PTPRT: variants seen among roughly 807,000 people sequenced by gnomAD.
PTPRT encodes the protein protein tyrosine phosphatase receptor type T, also known as receptor-type tyrosine-protein phosphatase T.
PTPRT carries 56 observed loss-of-function variants against 176.8 expected under a neutral mutation model. The observed-to-expected ratio is 0.32, with a 90% confidence interval of 0.26 to 0.40. PTPRT has a LOEUF of 0.40. Ranked by LOEUF, PTPRT falls within the 10% of genes least tolerant of loss-of-function variation. PTPRT has a pLI of 1.00. For missense variants in PTPRT, 1,540 were observed against 1,908.2 expected (o/e 0.81, Z 3.60); for synonymous variants, 783 against 739.0 (o/e 1.06, Z -0.96).
At chr20:42,253,925 C>T (rs187139909) in intron 13 of PTPRT, among the ~76,000 whole-genome samples, 1 of 152,302 alleles carries the variant, frequency 6.6e-6, no homozygotes, top group Non-Finnish European at 1.5e-5. Flanking sequence ...AGGATCCAGT[C>T]TCCTCCTAGC....
At chr20:42,469,985 C>T (rs1273174610) in intron 8 of PTPRT, among the ~76,000 whole-genome samples, 2 of 152,032 alleles carry the variant, frequency 1.3e-5, no homozygotes, top group Non-Finnish European at 2.9e-5. Context: ...AACAAGAGTA[C>T]TAGATCCTAC....
At chr20:42,774,898 C>A (rs548421765) in intron 4 of PTPRT, among the ~76,000 whole-genome samples, 1 of 152,010 alleles carries the variant, frequency 6.6e-6, no homozygotes, top group East Asian at 1.9e-4. Flanking sequence ...CTCTTCCCTG[C>A]GTTCCTGGCC....
chr20:42,215,540 C>G (rs755696356), intron 15 of PTPRT, among the ~76,000 whole-genome samples: 5 of 152,078 alleles, frequency 3.3e-5, no homozygotes, highest in Non-Finnish European at 5.9e-5. Context: ...ATCTGCTTCC[C>G]AAGATGAGCA....
intron 6 of PTPRT, among the ~76,000 whole-genome samples, chr20:42,754,419 C>T (rs1239041644): frequency 6.7e-6 from 1 of 148,518 alleles, no homozygotes; most frequent in East Asian, 2.2e-4. Context: ...CTCCTGGCCT[C>T]AGGCGCATGC....
intron 7 of PTPRT, among the ~76,000 whole-genome samples, chr20:42,629,120 A>T (rs1467176809): frequency 1.3e-5 from 2 of 151,776 alleles, no homozygotes; most frequent in Non-Finnish European, 2.9e-5. Context: ...GATCTGACAT[A>T]TATTACTTAG....
chr20:42,584,887 C>T (rs1272605913), intron 7 of PTPRT, among the ~76,000 whole-genome samples: 1 of 152,092 alleles, frequency 6.6e-6, no homozygotes, highest in Non-Finnish European at 1.5e-5. Flanking sequence ...AAATAAGTTC[C>T]TATGAGTTAA....
intron 8 of PTPRT, among the ~76,000 whole-genome samples, chr20:42,464,579 G>C (rs2071073618): frequency 6.6e-6 from 1 of 152,174 alleles, no homozygotes; most frequent in South Asian, 2.1e-4. Flanking sequence ...CTAGTTCATA[G>C]TGTGCACTTG....
At chr20:42,042,271 G>C in the PTPRT span, among the ~76,000 whole-genome samples, 4 of 152,110 alleles carry the variant, frequency 2.6e-5, no homozygotes, top group African/African-American at 4.8e-5. Flanking sequence ...ACTCTGCCAA[G>C]CATTAGTGAG....
At chr20:42,501,094 C>T (rs1288483145) in intron 7 of PTPRT, among the ~76,000 whole-genome samples, 3 of 152,130 alleles carry the variant, frequency 2.0e-5, no homozygotes, top group Non-Finnish European at 4.4e-5. Context: ...AGAAGCCCAC[C>T]CCATCACGCC....
At chr20:42,883,037 T>C (rs11906285) in intron 2 of PTPRT, among the ~76,000 whole-genome samples, 1,543 of 152,246 alleles carry the variant, frequency 0.01, 35 homozygotes, top group African/African-American at 0.035. Flanking sequence ...TTTGGAGGTT[T>C]AGGGAGGATC....
intron 2 of PTPRT, among the ~76,000 whole-genome samples, chr20:42,823,796 A>C (rs1319119820): frequency 1.3e-5 from 2 of 152,032 alleles, no homozygotes; most frequent in Non-Finnish European, 2.9e-5. Flanking sequence ...AGAAAGAAAG[A>C]AATTTTTTAT....
intron 7 of PTPRT, among the ~76,000 whole-genome samples, chr20:42,581,532 A>C (rs1458318518): frequency 4.1e-5 from 1 of 24,532 alleles, no homozygotes; most frequent in Non-Finnish European, 6.0e-5. Context: ...TGGCTGCATA[A>C]AAAAAAAAAA....
At chr20:42,115,163 G>A (rs1333373178) in intron 22 of PTPRT, 36 bp downstream of exon 22, 19 of 1,484,336 alleles carry the variant, frequency 1.3e-5, no homozygotes, top group Non-Finnish European at 1.7e-5. Flanking sequence ...TGGCTCTCAT[G>A]GTGGACCGGC....
chr20:42,790,498 T>C (rs564699486), intron 3 of PTPRT, among the ~76,000 whole-genome samples: 138 of 152,268 alleles, frequency 9.1e-4, no homozygotes, highest in African/African-American at 3.3e-3. Flanking sequence ...GCAGCACTGC[T>C]TTAAACTAAG....
At chr20:42,324,838 T>C (rs1263377918) in intron 11 of PTPRT, among the ~76,000 whole-genome samples, 1 of 152,128 alleles carries the variant, frequency 6.6e-6, no homozygotes, top group Non-Finnish European at 1.5e-5. Context: ...ACTATTTGCC[T>C]AGTCAAAATA....
intron 1 of PTPRT, among the ~76,000 whole-genome samples, chr20:43,178,090 G>A (rs1209254761): frequency 1.3e-5 from 2 of 152,230 alleles, no homozygotes; most frequent in Non-Finnish European, 2.9e-5. Context: ...GTGTTTGCGT[G>A]ATTAAGCTGG....
At chr20:42,393,842 G>A (rs1472596722) in intron 9 of PTPRT, among the ~76,000 whole-genome samples, 1 of 152,166 alleles carries the variant, frequency 6.6e-6, no homozygotes, top group Non-Finnish European at 1.5e-5. Flanking sequence ...TAGGTCACAT[G>A]ACATCAGAAC....
intron 8 of PTPRT, among the ~76,000 whole-genome samples, chr20:42,467,054 C>T (rs900214259): frequency 6.6e-6 from 1 of 152,028 alleles, no homozygotes. Flanking sequence ...TATGAATCAA[C>T]AGGGAGACCA....
intron 2 of PTPRT, among the ~76,000 whole-genome samples, chr20:42,879,845 C>G (rs1219446104): frequency 6.6e-6 from 1 of 152,124 alleles, no homozygotes; most frequent in Non-Finnish European, 1.5e-5. Flanking sequence ...ACTCACTAAG[C>G]TTTTTGTATT....
Sources: allele counts gnomAD v4.1 joint callset (sites outside exome capture counted in the v4.1 genomes callset), GRCh38; gene constraint gnomAD v4.1.1; transcripts MANE v1.5; gene names NCBI Gene and HGNC (gene_info 2026-07-23, HGNC 2026-07-21).